The following MLPH variants were observed in gnomAD, a reference collection of about 807,000 sequenced individuals.
MLPH encodes the protein melanophilin.
A neutral mutation model predicts 72.1 loss-of-function variants in MLPH; 51 were observed. The ratio of observed to expected loss-of-function variants is 0.71; its 90% CI spans 0.56 to 0.89. The LOEUF (loss-of-function observed/expected upper bound fraction) is 0.89, where lower values mean the gene tolerates loss of function less well. Among genes scored for constraint, MLPH ranks in the 40% least tolerant of loss-of-function variants. The pLI, the probability that MLPH is intolerant of heterozygous loss-of-function variation, is 0.00. For missense variants in MLPH, 743 were observed against 759.9 expected, an observed-to-expected ratio of 0.98 and a Z score of 0.26; for synonymous variants, 301 against 310.1, an observed-to-expected ratio of 0.97 and a Z score of 0.31.
At chr2:237,532,717 C>T (rs2080446659) in intron 8 of MLPH, among the ~76,000 whole-genome samples, 1 of 152,242 alleles carries the variant, frequency 6.6e-6, no homozygotes, top group South Asian at 2.1e-4. Context: ...CTGGTGCCCA[C>T]ACAGGGTCAG....
At chr2:237,527,760 C>T in intron 8 of MLPH, 1 of 553,300 alleles carries the variant, frequency 1.8e-6, no homozygotes, top group Non-Finnish European at 3.2e-6. Flanking sequence ...CCATAGGATC[C>T]AACAATTCCA....
In MLPH at chr2:237,552,418, T is replaced by C. The variant is rs779343001; in HGVS notation, c.1757T>C (p.Met586Thr). ...AGAAACCCCAACGCGAGGAAAGGAA[T>C]GGCCAGCCACACCTTCGCGGTAAAG... ...TQRNPNARKG[M>T]ASHTFAKPVV... The change falls in exon 15 of 16, where the codon ATG (methionine) becomes ACG (threonine). Residue 586 changes from methionine (M) to threonine (T), a missense_variant. Coordinates refer to ENST00000264605, the MANE Select transcript of MLPH (RefSeq NM_024101.7). 5 of 1,613,944 alleles carry C rather than the reference T, an allele frequency of 3.1e-6. No homozygotes were observed. In the South Asian group the frequency reaches 4.4e-5, roughly 14 times the overall value.
In MLPH at chr2:237,545,741, T is replaced by C. The variant is rs915608442; in HGVS notation, c.1540-865T>C. The C allele has an allele frequency of 8.9e-5, 90 of 1,006,236 alleles. No homozygotes were observed. In the African/African-American group the frequency reaches 1.5e-3, roughly 17 times the overall value. 62.3% of individuals were successfully genotyped at this position (1,006,236 alleles called of 1,614,324 possible). ...TTGGCAAAAGAATGAAAGATGACCT[T>C]AGGAGAGTCCCAGATAGGGTCATGA... On this transcript the variant is annotated intron_variant, in intron 12 of 15. Transcript: ENST00000264605.
intron 4 of MLPH, 92 bp from the exon 5 acceptor site, chr2:237,518,447 T>C: frequency 2.0e-6 from 2 of 1,009,442 alleles, no homozygotes; most frequent in Non-Finnish European, 3.1e-6. Flanking sequence ...GGTAGATGGA[T>C]AGATTAGTGG....
intron 8 of MLPH, 68 bp from the exon 9 acceptor site, chr2:237,534,496 G>GGT (rs1167089445): frequency 3.1e-6 from 4 of 1,281,916 alleles, no homozygotes; most frequent in Non-Finnish European, 3.4e-6. Flanking sequence ...AGAGGTGGTG[G>GGT]GTGCCAGTGT....
intron 6 of MLPH, among the ~76,000 whole-genome samples, chr2:237,524,471 A>C (rs557419909): frequency 6.6e-6 from 1 of 152,058 alleles, no homozygotes; most frequent in African/African-American, 2.4e-5. Context: ...GCACAGAAGA[A>C]AGATGTAGGC....
At chr2:237,530,128 T>C (rs1334160540) in intron 8 of MLPH, among the ~76,000 whole-genome samples, 1 of 152,228 alleles carries the variant, frequency 6.6e-6, no homozygotes, top group African/African-American at 2.4e-5. Context: ...CACCCAGCTC[T>C]TCAGCCACAG....
Position 237,541,007 on chromosome 2 carries a change from G to A in MLPH, c.1446+50G>A, listed in dbSNP as rs1036624256. On this transcript the variant is annotated intron_variant, in intron 11 of 15. Transcript: ENST00000264605. The surrounding 1 kb of genome is among the most constrained non-coding windows in gnomAD (Gnocchi z 5.1). ...ACTGAGTTCCACAAACACAGATGGT[G>A]ACCACACCCAGGCCTTGAACATCTG... The A allele has an allele frequency of 3.8e-6, 6 of 1,563,478 alleles. No individual in the cohort carries two copies. Among genetic ancestry groups the A allele is most frequent in the Non-Finnish European group, 5.2e-6 (6 of 1,154,250 alleles).
At chr2:237,524,407 G>A (rs933189241) in intron 6 of MLPH, among the ~76,000 whole-genome samples, 14 of 151,374 alleles carry the variant, frequency 9.2e-5, no homozygotes, top group East Asian at 3.9e-4. Flanking sequence ...AGAGCCAGTC[G>A]GAGTCCCAAA....
intron 9 of MLPH, among the ~76,000 whole-genome samples, chr2:237,539,291 T>C (rs113812061): frequency 0.15 from 23,282 of 151,982 alleles, 2,056 homozygotes; most frequent in African/African-American, 0.22. Flanking sequence ...GCAGCGAAGG[T>C]GGTGCAAGGC....
intron 2 of MLPH, among the ~76,000 whole-genome samples, chr2:237,509,061 G>A (rs183888859): frequency 3.9e-5 from 6 of 152,292 alleles, no homozygotes; most frequent in East Asian, 1.9e-4. Flanking sequence ...CCTCAGGATC[G>A]GAAGCTCCGG....
At chr2:237,514,705 C>A (rs947491032) in intron 4 of MLPH, among the ~76,000 whole-genome samples, 9 of 152,206 alleles carry the variant, frequency 5.9e-5, no homozygotes, top group African/African-American at 2.2e-4. Context: ...TAAAAATAGA[C>A]CTGTCAGAGC....
At chr2:237,520,178 C>T (rs771118949) in intron 6 of MLPH, 149 bp downstream of exon 6, 73 of 1,029,850 alleles carry the variant, frequency 7.1e-5, no homozygotes, top group East Asian at 1.5e-4. Flanking sequence ...GGAAGGGGAC[C>T]GATGTGGGAA....
chr2:237,519,168 G>A (rs1480604239), intron 5 of MLPH, among the ~76,000 whole-genome samples: 1 of 151,990 alleles, frequency 6.6e-6, no homozygotes, highest in East Asian at 1.9e-4. Context: ...GACAAACGAG[G>A]TAACACCTGG....
chr2:237,500,826 G>T (rs1332196924), intron 2 of MLPH, among the ~76,000 whole-genome samples: 1 of 151,930 alleles, frequency 6.6e-6, no homozygotes, highest in African/African-American at 2.4e-5. Flanking sequence ...TACAGCCACT[G>T]CTCACCGCCC....
chr2:237,515,515 C>G (rs1474735682), intron 4 of MLPH, among the ~76,000 whole-genome samples: 1 of 152,178 alleles, frequency 6.6e-6, no homozygotes, highest in East Asian at 1.9e-4. Flanking sequence ...ACGGGGATCA[C>G]AGGTGGGCCA....
At position 237,545,353 on chromosome 2, in the gene MLPH, C is replaced by T. The variant is rs1331262436; in HGVS notation, c.1540-1253C>T. On this transcript the variant is annotated intron_variant, in intron 12 of 15. Transcript: ENST00000264605. ...GCAGGATCCTGGGCCCCCCACCTCCCTTCCCGTGAACATCCGGCCTGAGTT... is the reference window on the plus strand; with the variant it reads ...GCAGGATCCTGGGCCCCCCACCTCCTTTCCCGTGAACATCCGGCCTGAGTT... 3.0e-6 allele frequency: 3 copies of T among 985,040 alleles called. No homozygotes were observed. The African/African-American group carries it at 5.1e-5, about 17-fold the overall frequency. The allele number at this position is 985,040 out of a possible 1,614,324, so 61.0% of individuals were successfully genotyped here.
chr2:237,550,784 G>A lies in MLPH; in HGVS notation c.1675+1506G>A, dbSNP rs190517984. The stretch of plus-strand genomic sequence containing the variant: ...GGCTGGTCTCGAACTCCTGACGTCA[G>A]ATGATCCATCCACCTCGGCCTCCCA... On this transcript the variant is annotated intron_variant, in intron 14 of 15. Transcript: ENST00000264605. 2.7e-3 allele frequency among the ~76,000 whole-genome samples: 405 copies of A among 152,284 alleles called. 2 individuals are homozygous for A. Among genetic ancestry groups the A allele is most frequent in the Middle Eastern group, 0.014 (4 of 292 alleles).
intron 9 of MLPH, among the ~76,000 whole-genome samples, chr2:237,534,887 T>C (rs1408395562): frequency 6.6e-6 from 1 of 152,104 alleles, no homozygotes; most frequent in East Asian, 1.9e-4. Flanking sequence ...GAGAGAATGC[T>C]TGGAGGGCAC....
Sources: allele counts gnomAD v4.1 joint callset (sites outside exome capture counted in the v4.1 genomes callset), GRCh38; gene constraint gnomAD v4.1.1; non-coding constraint Gnocchi (gnomAD v3.1); transcripts MANE v1.5; gene names NCBI Gene and HGNC (gene_info 2026-07-23, HGNC 2026-07-21).